The following RGS6 variants were observed in gnomAD, a reference collection of about 807,000 sequenced individuals.
RGS6 encodes regulator of G protein signaling 6.
In RGS6, 30 loss-of-function variants were observed where a neutral mutation model predicts 78.5. The observed-to-expected ratio is 0.38, with a 90% CI of 0.29 to 0.52. RGS6 has a LOEUF of 0.52. RGS6 is among the 20% of genes least tolerant of loss of function. RGS6 has a pLI of 0.85. For missense variants in RGS6, 495 were observed against 609.7 expected (o/e 0.81, Z 1.98); for synonymous variants, 206 against 206.0 (o/e 1.00, Z 0.00).
At chr14:71,932,210 C>T (rs1478953663), upstream of RGS6, among the ~76,000 whole-genome samples, 1 of 152,128 alleles carries the variant, frequency 6.6e-6, no homozygotes, top group Non-Finnish European at 1.5e-5. Flanking sequence ...TCACGGTCTG[C>T]GCCTTCCGCG....
rs192961727 is a variant in RGS6 at position 72,562,814 on chromosome 14, A to C, written c.*347A>C. ...TGTCACGACTATCACTTGAGATTAT[A>C]TTATTATCCTCACTCCCTCGCTGTC... On this transcript the variant is annotated 3_prime_UTR_variant, in exon 18 of 18. Transcript: ENST00000553525. 4.3e-6 allele frequency: 6 copies of C among 1,411,038 alleles called. No individual in the cohort carries two copies. Among genetic ancestry groups the C allele is most frequent in the Non-Finnish European group, 9.7e-7 (1 of 1,032,980 alleles). The allele number at this position is 1,411,038 out of a possible 1,614,324, so 87.4% of individuals were successfully genotyped here.
At chr14:72,451,164 C>T (rs974543000) in intron 3 of RGS6, among the ~76,000 whole-genome samples, 2 of 152,154 alleles carry the variant, frequency 1.3e-5, no homozygotes, top group Admixed American at 6.5e-5. Flanking sequence ...AGATTGAGTG[C>T]AGTGTCCCAG....
intron 17 of RGS6, among the ~76,000 whole-genome samples, chr14:72,542,195 G>A (rs972705886): frequency 2.0e-5 from 3 of 152,126 alleles, no homozygotes; most frequent in Non-Finnish European, 4.4e-5. Flanking sequence ...TCCAGTGGTG[G>A]AGATGGATTG....
intron 9 of RGS6, among the ~76,000 whole-genome samples, chr14:72,473,688 A>G (rs542920210): frequency 1.3e-5 from 2 of 152,322 alleles, no homozygotes; most frequent in South Asian, 2.1e-4. Context: ...ACATTGAAGC[A>G]TCACTCCCGT....
rs554807074 is a variant in RGS6 at position 72,480,882 on chromosome 14, C to A, written c.854+2553C>A. On this transcript the variant is annotated intron_variant, in intron 12 of 17. Coordinates refer to ENST00000553525, the MANE Select transcript of RGS6 (RefSeq NM_001204424.2). Reference sequence around the variant, plus strand: ...AGGAAAGGTCTTCATCATTTTTCACCCAGTTCTGTGAGAACTAATAGTGAG... The same window carrying A: ...AGGAAAGGTCTTCATCATTTTTCACACAGTTCTGTGAGAACTAATAGTGAG... 1.6e-4 allele frequency among the ~76,000 whole-genome samples: 25 copies of A among 152,314 alleles called. 1 individual carries two copies. Among genetic ancestry groups the A allele is most frequent in the African/African-American group, 6.0e-4 (25 of 41,564 alleles).
intron 1 of RGS6, among the ~76,000 whole-genome samples, chr14:71,959,595 G>T (rs1227315329): frequency 4.0e-5 from 6 of 151,536 alleles, no homozygotes; most frequent in African/African-American, 1.5e-4. Flanking sequence ...TAGGGTAATT[G>T]TAGTTGGTTC....
chr14:72,224,316 G>A (rs1039134945), intron 2 of RGS6, among the ~76,000 whole-genome samples: 4 of 152,084 alleles, frequency 2.6e-5, no homozygotes, highest in Admixed American at 1.3e-4. Context: ...TACTCAAGAG[G>A]TTGAGGTGGG....
intron 2 of RGS6, among the ~76,000 whole-genome samples, chr14:72,054,831 C>G (rs1384971694): frequency 6.6e-6 from 1 of 152,012 alleles, no homozygotes; most frequent in Non-Finnish European, 1.5e-5. Flanking sequence ...TACATTGTTT[C>G]ATTTTGCCTG....
At chr14:72,333,678 A>G (rs1332221803) in intron 2 of RGS6, among the ~76,000 whole-genome samples, 13 of 152,182 alleles carry the variant, frequency 8.5e-5, no homozygotes, top group Admixed American at 8.5e-4. Flanking sequence ...TCTGGGCCCC[A>G]CTACAGCACC....
chr14:72,433,745 C>CCCAG (rs138607317), intron 3 of RGS6, among the ~76,000 whole-genome samples: 1,974 of 152,254 alleles, frequency 0.013, 44 homozygotes, highest in African/African-American at 0.046. Context: ...CGGTTTGCAT[C>CCCAG]CCAGCTCTTT....
chr14:72,536,319 T>C, intron 16 of RGS6, 44 bp downstream of exon 16: 1 of 1,374,378 alleles, frequency 7.3e-7, no homozygotes, highest in Non-Finnish European at 1.0e-6. Flanking sequence ...CTGTTGACTC[T>C]TGCCTGCTGC....
At chr14:72,272,999 C>G (rs1016831792) in intron 2 of RGS6, among the ~76,000 whole-genome samples, 1 of 152,048 alleles carries the variant, frequency 6.6e-6, no homozygotes, top group African/African-American at 2.4e-5. Flanking sequence ...GCCTGTAATC[C>G]CAGCTACTTG....
intron 2 of RGS6, among the ~76,000 whole-genome samples, chr14:72,350,106 T>C (rs2078837166): frequency 6.6e-6 from 1 of 152,222 alleles, no homozygotes. Context: ...TAAAACTCCC[T>C]CTTCAGTTTT....
intron 3 of RGS6, among the ~76,000 whole-genome samples, chr14:72,453,570 C>G (rs2095550607): frequency 7.0e-6 from 1 of 142,514 alleles, no homozygotes; most frequent in Non-Finnish European, 1.5e-5. Flanking sequence ...GAGCCGAGAT[C>G]CCGCCACTGC....
intron 2 of RGS6, among the ~76,000 whole-genome samples, chr14:71,975,926 A>G (rs1595507013): frequency 6.6e-6 from 1 of 152,144 alleles, no homozygotes; most frequent in Admixed American, 6.5e-5. Context: ...TTGTGCTTCA[A>G]CATGGATATT....
chr14:72,184,369 AACACACACACACACACACACAC>A (rs10638767), intron 2 of RGS6, among the ~76,000 whole-genome samples: 3 of 141,284 alleles, frequency 2.1e-5, no homozygotes, highest in Admixed American at 7.1e-5. Context: ...TTTACTTTCA[AACACACACACACACACACACAC>A]ACACACACAC....
intron 12 of RGS6, among the ~76,000 whole-genome samples, chr14:72,478,622 C>T (rs956587322): frequency 2.2e-4 from 34 of 152,176 alleles, no homozygotes; most frequent in African/African-American, 7.7e-4. Flanking sequence ...TTGCCTTCAG[C>T]CTCTGGATTA....
chr14:72,061,284 C>T (rs1795656257), intron 2 of RGS6, among the ~76,000 whole-genome samples: 1 of 152,170 alleles, frequency 6.6e-6, no homozygotes, highest in African/African-American at 2.4e-5. Context: ...ATATCTTCAG[C>T]AGTATCCTTT....
chr14:71,871,455 A>G, the RGS6 span, among the ~76,000 whole-genome samples: 4 of 152,236 alleles, frequency 2.6e-5, no homozygotes, highest in Admixed American at 1.3e-4. Context: ...TCTCCTCAGA[A>G]CGTACACTGT....
Sources: allele counts gnomAD v4.1 joint callset (sites outside exome capture counted in the v4.1 genomes callset), GRCh38; gene constraint gnomAD v4.1.1; transcripts MANE v1.5; gene names NCBI Gene and HGNC (gene_info 2026-07-23, HGNC 2026-07-21).